The following UBE4A variants were observed in gnomAD, a reference collection of about 807,000 sequenced individuals.
The protein encoded by UBE4A is ubiquitin conjugation factor E4 A.
UBE4A carries 48 observed loss-of-function variants against 117.9 expected under a neutral mutation model. The observed-to-expected ratio is 0.41, with a 90% CI of 0.32 to 0.52. The LOEUF is 0.52. Ranked by LOEUF, UBE4A falls within the 20% of genes least tolerant of loss-of-function variation. The probability of loss-of-function intolerance (pLI) is 0.33; values close to 1 mark genes in which losing one functional copy is unlikely to be tolerated. For synonymous variants in UBE4A, 407 were observed against 450.0 expected, an observed-to-expected ratio of 0.90 and a Z score of 1.21; for missense variants, 1,067 against 1,296.3, an observed-to-expected ratio of 0.82 and a Z score of 2.72.
At position 118,396,436 on chromosome 11, in the gene UBE4A, A is replaced by C. The variant is rs782613876; in HGVS notation, c.3197A>C (p.Glu1066Ala). ...AERKQQKEQL[E>A] Reference sequence around the variant, plus strand: ...AGGAAACAACAAAAGGAGCAACTTGAATAGATACTGTGAACTAACCAAACC... The same window carrying C: ...AGGAAACAACAAAAGGAGCAACTTGCATAGATACTGTGAACTAACCAAACC... Residue 1066 changes from glutamate (E) to alanine (A), a missense_variant, in exon 20 of 20, where the codon GAA (glutamate) becomes GCA (alanine). Coordinates refer to ENST00000252108, the MANE Select transcript of UBE4A (RefSeq NM_001204077.2). 5.0e-6 allele frequency: 8 copies of C among 1,613,626 alleles called. No homozygotes were observed. In the Admixed American group the frequency reaches 1.3e-4, roughly 27 times the overall value.
At chr11:118,380,482 T>A (rs1948695361) in intron 11 of UBE4A, among the ~76,000 whole-genome samples, 1 of 151,942 alleles carries the variant, frequency 6.6e-6, no homozygotes, top group African/African-American at 2.4e-5. Flanking sequence ...CTCAGGAGGC[T>A]GAAGTGAGAG....
rs1203466002 is a variant in UBE4A at position 118,398,787 on chromosome 11, G to T, written c.*2347G>T. On this transcript the variant is annotated 3_prime_UTR_variant, in exon 20 of 20. Transcript: ENST00000252108. The stretch of plus-strand genomic sequence containing the variant: ...TTGTTTAAGTATGTTTTATCAAGCA[G>T]TCTGGGTTTTGTTTTTTAATATACT... The T allele has an allele frequency of 1.1e-5, 2 of 177,508 alleles. No individual in the cohort carries two copies. Among genetic ancestry groups the T allele is most frequent in the African/African-American group, 4.8e-5 (2 of 41,940 alleles). The allele number at this position is 177,508 out of a possible 1,614,324, so 11.0% of individuals were successfully genotyped here. A position where few individuals can be genotyped will look rare whatever the true frequency, so the allele number is the denominator to read the frequency against.
chr11:118,389,941 T>C, intron 17 of UBE4A, 36 bp downstream of exon 17: 1 of 1,499,534 alleles, frequency 6.7e-7, no homozygotes, highest in Non-Finnish European at 9.0e-7. Context: ...CCAGAGGGGA[T>C]GCTGTTTTGA....
intron 1 of UBE4A, among the ~76,000 whole-genome samples, chr11:118,364,606 C>G (rs1009951786): frequency 1.3e-5 from 2 of 151,946 alleles, no homozygotes; most frequent in Non-Finnish European, 2.9e-5. Context: ...TTGTCCTCAC[C>G]CCAGTGAATG....
At chr11:118,392,708 C>A in intron 18 of UBE4A, 30 bp from the exon 19 acceptor site, 1 of 1,604,638 alleles carries the variant, frequency 6.2e-7, no homozygotes, top group Middle Eastern at 1.7e-4. Flanking sequence ...ACTGTGAATT[C>A]ACTTTAACTA....
rs1446370304 is a variant in UBE4A at position 118,371,582 on chromosome 11, G to A, written c.477G>A (p.Thr159=). 3 of 1,613,830 alleles carry A rather than the reference G, an allele frequency of 1.9e-6. No individual in the cohort carries two copies. The highest frequency in any genetic ancestry group is 2.5e-6 in the Non-Finnish European group (3 of 1,179,968). The change falls in exon 5 of 20, where the codon ACG becomes ACA. Residue 159 remains threonine, a synonymous_variant. Transcript: ENST00000252108. The part of the protein sequence containing the change: ...NHLINMTSST[T]LNLSADRDAG... The stretch of plus-strand genomic sequence containing the variant: ...TAATTAACATGACTTCTTCTACAAC[G>A]CTAAATCTCTCTGCTGATCGAGATG...
chr11:118,396,547 C>CA lies in UBE4A; in HGVS notation c.*107_*108insA. 1.2e-6 allele frequency: 1 copy of CA among 817,260 alleles called. No individual in the cohort carries two copies. Among genetic ancestry groups the CA allele is most frequent in the Non-Finnish European group, 1.6e-6 (1 of 609,190 alleles). The allele number at this position is 817,260 out of a possible 1,614,324, so 50.6% of individuals were successfully genotyped here. A position where few individuals can be genotyped will look rare whatever the true frequency, so the allele number is the denominator to read the frequency against. On this transcript the variant is annotated 3_prime_UTR_variant, in exon 20 of 20. Coordinates refer to ENST00000252108, the MANE Select transcript of UBE4A (RefSeq NM_001204077.2). ...TCCTTTTCTTTCTTCTTTTCTTTTT[C>CA]TTTTTTTTTTTTTTTTTTACTAAAT...
intron 6 of UBE4A, 61 bp from the exon 7 acceptor site, chr11:118,373,025 G>T: frequency 7.2e-7 from 1 of 1,384,914 alleles, no homozygotes; most frequent in Non-Finnish European, 1.0e-6. Flanking sequence ...TAAAGAGCTA[G>T]TGTGTAAAGG....
At chr11:118,395,317 A>G (rs1281622541) in intron 19 of UBE4A, among the ~76,000 whole-genome samples, 1 of 151,666 alleles carries the variant, frequency 6.6e-6, no homozygotes, top group Non-Finnish European at 1.5e-5. Flanking sequence ...GCAACAGAAC[A>G]AGACTCCATC....
At chr11:118,364,371 A>G (rs1948546306) in intron 1 of UBE4A, among the ~76,000 whole-genome samples, 1 of 152,158 alleles carries the variant, frequency 6.6e-6, no homozygotes, top group Non-Finnish European at 1.5e-5. Flanking sequence ...AGTGAAGGTT[A>G]GATATAGCAT....
At chr11:118,367,518 CTTTTTTTTTTT>C (rs36110679) in intron 2 of UBE4A, among the ~76,000 whole-genome samples, 1 of 123,306 alleles carries the variant, frequency 8.1e-6, no homozygotes, top group Non-Finnish European at 1.7e-5. Context: ...TAAATGTTAA[CTTTTTTTTTTT>C]TTTTTTTTTG....
intron 13 of UBE4A, among the ~76,000 whole-genome samples, chr11:118,383,819 T>G (rs1948729493): frequency 6.6e-6 from 1 of 152,130 alleles, no homozygotes; most frequent in South Asian, 2.1e-4. Flanking sequence ...TGGATTCTGG[T>G]TTTTTTTAAT....
chr11:118,379,903 A>G (rs1481814975), intron 11 of UBE4A, among the ~76,000 whole-genome samples, 153 bp downstream of exon 11: 7 of 152,202 alleles, frequency 4.6e-5, no homozygotes, highest in Admixed American at 1.3e-4. Flanking sequence ...CTACTGGTCA[A>G]AGTATTAGGG....
rs573080491 is a variant in UBE4A, at chr11:118,385,605, C to G, written c.2412+660C>G. On this transcript the variant is annotated intron_variant, in intron 15 of 19. Transcript: ENST00000252108. ...GAACTGCTTACTTCTCCCATAAAAA[C>G]TTGGCTGTCTGTAGAGCAAAACTTC... is the stretch of plus-strand genomic sequence containing the variant. 1.5e-4 allele frequency among the ~76,000 whole-genome samples: 23 copies of G among 152,308 alleles called. No homozygotes were observed. In the South Asian group the frequency reaches 2.5e-3, roughly 16 times the overall value.
At chr11:118,373,406 G>A in intron 7 of UBE4A, 88 bp from the exon 8 acceptor site, 10 of 1,523,512 alleles carry the variant, frequency 6.6e-6, no homozygotes, top group East Asian at 2.3e-5. Flanking sequence ...CTTGGTTGTT[G>A]TATCAACTTA....
At chr11:118,376,532 A>G in intron 9 of UBE4A, 42 bp from the exon 10 acceptor site, 1 of 1,604,470 alleles carries the variant, frequency 6.2e-7, no homozygotes, top group Non-Finnish European at 8.5e-7. Context: ...GAGACTGGAG[A>G]CCAAGACATT....
At chr11:118,382,836 G>A (rs1344821365) in intron 13 of UBE4A, 60 bp downstream of exon 13, 1 of 1,404,324 alleles carries the variant, frequency 7.1e-7, no homozygotes, top group Non-Finnish European at 9.4e-7. Flanking sequence ...GAGTTTCATA[G>A]TTTGATCCGT....
chr11:118,369,594 T>C, intron 4 of UBE4A, 59 bp downstream of exon 4: 1 of 1,277,910 alleles, frequency 7.8e-7, no homozygotes, highest in African/African-American at 1.5e-5. Context: ...GCGGCTGAAT[T>C]CTGCTCACTG....
At chr11:118,394,964 C>T (rs1198379833) in intron 19 of UBE4A, among the ~76,000 whole-genome samples, 1 of 152,040 alleles carries the variant, frequency 6.6e-6, no homozygotes, top group Non-Finnish European at 1.5e-5. Flanking sequence ...AAGACACCGT[C>T]TCTAAATAAA....
Sources: allele counts gnomAD v4.1 joint callset (sites outside exome capture counted in the v4.1 genomes callset), GRCh38; gene constraint gnomAD v4.1.1; transcripts MANE v1.5; gene names NCBI Gene and HGNC (gene_info 2026-07-23, HGNC 2026-07-21).